SPTLC2: variants seen among roughly 807,000 people sequenced by gnomAD.
SPTLC2 encodes serine palmitoyltransferase long chain base subunit 2.
Under a neutral mutation model 62.0 loss-of-function variants are expected in SPTLC2, and 21 were observed. The ratio of observed to expected loss-of-function variants is 0.34; its 90% confidence interval spans 0.24 to 0.49. The LOEUF (loss-of-function observed/expected upper bound fraction) is 0.49. Ranked by LOEUF, SPTLC2 falls within the 20% of genes least tolerant of loss-of-function variation. The pLI is 0.99. For synonymous variants in SPTLC2, 261 were observed against 261.8 expected, an observed-to-expected ratio of 1.00 and a Z score of 0.03; for missense variants, 511 against 713.0, an observed-to-expected ratio of 0.72 and a Z score of 3.23.
intron 2 of SPTLC2, among the ~76,000 whole-genome samples, chr14:77,589,999 A>C: frequency 6.6e-6 from 1 of 151,332 alleles, no homozygotes; most frequent in African/African-American, 2.4e-5. Flanking sequence ...AAAAAAAGAC[A>C]AGGTTTCACT....
intron 6 of SPTLC2, among the ~76,000 whole-genome samples, chr14:77,559,354 C>T (rs114762659): frequency 3.7e-4 from 57 of 152,132 alleles, no homozygotes; most frequent in African/African-American, 1.2e-3. Context: ...GAATGCTTAA[C>T]CATATTATCT....
intron 6 of SPTLC2, 52 bp downstream of exon 6, chr14:77,562,344 A>G: frequency 6.7e-7 from 1 of 1,498,174 alleles, no homozygotes; most frequent in Non-Finnish European, 9.3e-7. Flanking sequence ...CCCACCATGG[A>G]TCGAAAGAAT....
intron 9 of SPTLC2, among the ~76,000 whole-genome samples, chr14:77,542,894 C>G (rs1020137580): frequency 1.3e-5 from 2 of 152,130 alleles, no homozygotes; most frequent in African/African-American, 4.8e-5. Flanking sequence ...CTTAAAGTTG[C>G]TGATTCAATA....
chr14:77,544,142 G>T (rs1459969797), intron 9 of SPTLC2, among the ~76,000 whole-genome samples: 1 of 152,062 alleles, frequency 6.6e-6, no homozygotes, highest in African/African-American at 2.4e-5. Context: ...AAGTAGCTAG[G>T]ATTACAGACG....
intron 9 of SPTLC2, among the ~76,000 whole-genome samples, chr14:77,532,879 A>C (rs2079448476): frequency 6.6e-6 from 1 of 152,190 alleles, no homozygotes; most frequent in South Asian, 2.1e-4. Context: ...ACTACAATTG[A>C]AATTATGAGG....
Position 77,518,106 on chromosome 14 carries a change from T to G in SPTLC2, c.1501A>C (p.Thr501Pro), listed in dbSNP as rs1210965818. The G allele has an allele frequency of 6.2e-7, 1 of 1,614,096 alleles. No homozygotes were observed. Among genetic ancestry groups the G allele is most frequent in the Admixed American group, 1.7e-5 (1 of 59,996 alleles). Reference sequence around the variant, plus strand: ...CTGGCTCTGGACTCAATAATTGGGGTGGCAGGAAATCCAACCACAACGACA... The same window carrying G: ...CTGGCTCTGGACTCAATAATTGGGGGGGCAGGAAATCCAACCACAACGACA... ...IGVVVVGFPA[T>P]PIIESRARFC... Residue 501 changes from threonine to proline, a missense_variant, in exon 11 of 12, where the codon ACC becomes CCC. Physicochemically the swap from Thr to Pro is conservative, Grantham distance 38. Coordinates refer to ENST00000216484, the MANE Select transcript of SPTLC2 (RefSeq NM_004863.4).
intron 9 of SPTLC2, among the ~76,000 whole-genome samples, chr14:77,549,456 T>C (rs1208127426): frequency 8.5e-5 from 13 of 152,288 alleles, no homozygotes; most frequent in Admixed American, 7.8e-4. Context: ...ATTGAAAAGA[T>C]ACATGCATGA....
At chr14:77,606,450 C>T (rs75990858) in intron 1 of SPTLC2, among the ~76,000 whole-genome samples, 4,100 of 151,938 alleles carry the variant, frequency 0.027, 182 homozygotes, top group African/African-American at 0.095. Context: ...ATCAGCACTG[C>T]TGGCCTAGGG....
At chr14:77,597,480 A>G in intron 1 of SPTLC2, 100 bp from the exon 2 acceptor site, 8 of 1,175,348 alleles carry the variant, frequency 6.8e-6, no homozygotes, top group Non-Finnish European at 9.9e-6. Flanking sequence ...TACCTTAAGA[A>G]TTTTCTAAGT....
intron 1 of SPTLC2, among the ~76,000 whole-genome samples, chr14:77,609,061 G>C (rs551958060): frequency 1.3e-5 from 2 of 152,132 alleles, no homozygotes; most frequent in South Asian, 4.2e-4. Flanking sequence ...TGAAGTCAGA[G>C]AGGGATGGGA....
intron 2 of SPTLC2, among the ~76,000 whole-genome samples, chr14:77,595,327 T>C (rs1159512618): frequency 6.6e-6 from 1 of 152,146 alleles, no homozygotes; most frequent in African/African-American, 2.4e-5. Context: ...ATCACACCAC[T>C]GTACTCCAGC....
intron 2 of SPTLC2, among the ~76,000 whole-genome samples, chr14:77,586,878 T>C (rs2079784497): frequency 6.6e-6 from 1 of 152,136 alleles, no homozygotes; most frequent in African/African-American, 2.4e-5. Context: ...ATATACCAAT[T>C]GAACTGGCAA....
At chr14:77,602,982 T>A (rs909251190) in intron 1 of SPTLC2, among the ~76,000 whole-genome samples, 2 of 152,172 alleles carry the variant, frequency 1.3e-5, no homozygotes, top group Non-Finnish European at 2.9e-5. Flanking sequence ...TTCAGGAAAA[T>A]TTTTTAAAAA....
intron 9 of SPTLC2, among the ~76,000 whole-genome samples, chr14:77,533,438 C>T (rs9323645): frequency 0.19 from 29,430 of 151,790 alleles, 3,646 homozygotes; most frequent in African/African-American, 0.35. Context: ...AAAGCAAATA[C>T]GGTAATATTG....
intron 9 of SPTLC2, among the ~76,000 whole-genome samples, chr14:77,535,007 A>G (rs1159303773): frequency 6.6e-6 from 1 of 151,850 alleles, no homozygotes; most frequent in Non-Finnish European, 1.5e-5. Context: ...GCTCACTGCA[A>G]CCCTCCGCCT....
At chr14:77,558,321 C>T (rs2079596329) in intron 6 of SPTLC2, among the ~76,000 whole-genome samples, 1 of 122 alleles carries the variant, frequency 8.2e-3, no homozygotes, top group Non-Finnish European at 0.016. Context: ...GCTGGGATTA[C>T]AGGCGTGAGC....
At chr14:77,616,058 A>G (rs968982673) in intron 1 of SPTLC2, among the ~76,000 whole-genome samples, 21 of 152,254 alleles carry the variant, frequency 1.4e-4, no homozygotes, top group African/African-American at 5.1e-4. Context: ...GGACTTTAAA[A>G]GGAAGCAATA....
At chr14:77,522,319 C>T (rs144012797) in intron 9 of SPTLC2, among the ~76,000 whole-genome samples, 5 of 152,032 alleles carry the variant, frequency 3.3e-5, no homozygotes, top group African/African-American at 4.8e-5. Context: ...CACATCACCA[C>T]GCCCAGCTAA....
rs1161572640 is a variant in SPTLC2 at position 77,578,791 on chromosome 14, T to C, written c.482+164A>G. The C allele has an allele frequency of 4.9e-5, 31 of 631,734 alleles. 1 individual carries two copies. In the South Asian group the frequency reaches 5.5e-4, roughly 11 times the overall value. 39.1% of individuals were successfully genotyped at this position (631,734 alleles called of 1,614,324 possible). On this transcript the variant is annotated intron_variant, in intron 3 of 11. Coordinates refer to ENST00000216484, the MANE Select transcript of SPTLC2 (RefSeq NM_004863.4). ...GTATCAAATGTAATAGAAAGATATA[T>C]CTTAAAAAGCTCAACAATGAAGAAT...
Sources: gnomAD v4.1 joint callset for allele counts (sites outside exome capture counted in the v4.1 genomes callset) on GRCh38, gnomAD v4.1.1 for gene constraint, MANE v1.5 for transcripts, NCBI Gene and HGNC (gene_info 2026-07-23, HGNC 2026-07-21) for gene names.